Variants in STON2 observed in about 807,000 individuals in gnomAD.
The protein encoded by STON2 is stonin 2.
A neutral mutation model predicts 65.7 loss-of-function variants in STON2; 29 were observed. The observed-to-expected ratio is 0.44, with a 90% confidence interval of 0.33 to 0.60. STON2 has a LOEUF of 0.60. STON2 is among the 20% of genes least tolerant of loss of function. The pLI, the probability that STON2 is intolerant of heterozygous loss-of-function variation, is 0.03. For missense variants in STON2, 1,054 were observed against 1,118.1 expected, an observed-to-expected ratio of 0.94 and a Z score of 0.82; for synonymous variants, 404 against 414.2, an observed-to-expected ratio of 0.98 and a Z score of 0.30.
In STON2 at chr14:81,425,434, C is replaced by T. The variant is rs112924158; in HGVS notation, c.-199+1668G>A. Among the ~76,000 whole-genome samples the T allele has an allele frequency of 2.1e-3, 321 of 152,034 alleles. 2 individuals are homozygous for T. The highest frequency in any genetic ancestry group is 7.3e-3 in the African/African-American group (304 of 41,480). On this transcript the variant is annotated intron_variant, in intron 2 of 8. Coordinates refer to the STON2 transcript ENST00000553821. ...CTACCAACACAAAATTAGCTGGGCA[C>T]GGTGGCTCACACCTGTAATCCCAGC...
chr14:81,391,463 G>T (rs751906210), intron 3 of STON2, among the ~76,000 whole-genome samples: 1 of 152,142 alleles, frequency 6.6e-6, no homozygotes. Flanking sequence ...GGGGGCTAAC[G>T]CCTAGTCTCT....
At position 81,361,521 on chromosome 14, in the gene STON2, A is replaced by C. The variant is rs1179279141; in HGVS notation, c.571+9467T>G. Among the ~76,000 whole-genome samples the C allele has an allele frequency of 2.0e-5, 3 of 152,164 alleles. 1 individual carries two copies. In the South Asian group the frequency reaches 6.2e-4, roughly 31 times the overall value. On this transcript the variant is annotated intron_variant, in intron 4 of 7. Coordinates refer to ENST00000614646, the MANE Select transcript of STON2 (RefSeq NM_001394390.1). ...CTCAAAATGGATTAAAGGTTTAAAC[A>C]TAAGACCTGAAACTGTAAAACTATT...
chr14:81,376,075 G>T (rs144866583), intron 3 of STON2, among the ~76,000 whole-genome samples: 2,019 of 151,784 alleles, frequency 0.013, 52 homozygotes, highest in African/African-American at 0.046. Flanking sequence ...AAGCAGTATT[G>T]TCAGCTTATA....
chr14:81,266,808 A>G lies in STON2; in HGVS notation c.*1606T>C, dbSNP rs1263750477. On this transcript the variant is annotated 3_prime_UTR_variant, in exon 8 of 8. Coordinates refer to ENST00000614646, the MANE Select transcript of STON2 (RefSeq NM_001394390.1). ...TCCTAACACCGTTCCCATCAACACCACACACATAAACACACACAAACACAC... is the reference window on the plus strand; with the variant it reads ...TCCTAACACCGTTCCCATCAACACCGCACACATAAACACACACAAACACAC... 1 of 877,784 alleles carries G rather than the reference A, an allele frequency of 1.1e-6. No homozygotes were observed. The highest frequency in any genetic ancestry group is 5.0e-5 in the African/African-American group (1 of 20,062). The allele number at this position is 877,784 out of a possible 1,614,324, so 54.4% of individuals were successfully genotyped here. A position where few individuals can be genotyped will look rare whatever the true frequency, so the allele number is the denominator to read the frequency against.
chr14:81,354,180 A>G (rs1193027765), intron 4 of STON2, among the ~76,000 whole-genome samples: 1 of 152,214 alleles, frequency 6.6e-6, no homozygotes, highest in Non-Finnish European at 1.5e-5. Flanking sequence ...AAGTGACGAC[A>G]GGGTCCATCC....
At position 81,277,832 on chromosome 14, in the gene STON2, A is replaced by G. The variant is rs568804409; in HGVS notation, c.1650T>C (p.Asn550=). The change falls in exon 6 of 8, where the codon AAT becomes AAC. Residue 550 remains asparagine, a synonymous_variant. Coordinates refer to ENST00000614646, the MANE Select transcript of STON2 (RefSeq NM_001394390.1). ...CTATCCGCAAGCTGTGGATTCTGCCATTCTCATCATAGTTTTGAAGCCGGG... is the reference window on the plus strand; with the variant it reads ...CTATCCGCAAGCTGTGGATTCTGCCGTTCTCATCATAGTTTTGAAGCCGGG... The part of the protein sequence containing the change: ...SEPRLQNYDE[N]GRIHSLRIDR... 1 of 1,614,188 alleles carries G rather than the reference A, an allele frequency of 6.2e-7. No homozygotes were observed. Among genetic ancestry groups the G allele is most frequent in the African/African-American group, 1.3e-5 (1 of 75,046 alleles).
chr14:81,278,782 C>T (rs190881919), intron 5 of STON2, 43 bp from the exon 6 acceptor site: 836 of 1,458,296 alleles, frequency 5.7e-4, no homozygotes, highest in Non-Finnish European at 7.3e-4. Context: ...TTCAGGGGCT[C>T]TAGAGGTAAG....
intron 4 of STON2, among the ~76,000 whole-genome samples, chr14:81,362,212 C>T (rs1898524549): frequency 1.3e-5 from 2 of 152,150 alleles, no homozygotes; most frequent in Non-Finnish European, 2.9e-5. Flanking sequence ...TTAAACAATA[C>T]ACAAGTTATG....
chr14:81,269,566 A>T, intron 7 of STON2: 3 of 985,352 alleles, frequency 3.0e-6, no homozygotes, highest in Non-Finnish European at 3.6e-6. Flanking sequence ...TTCAACACAC[A>T]ACAGTCAGGT....
chr14:81,386,725 T>C (rs966837799), intron 3 of STON2, among the ~76,000 whole-genome samples: 1 of 152,220 alleles, frequency 6.6e-6, no homozygotes, highest in African/African-American at 2.4e-5. Context: ...ACCATGTCCC[T>C]GGAGGAAGGT....
upstream of STON2, among the ~76,000 whole-genome samples, chr14:81,403,501 G>C (rs1037468684): frequency 6.6e-6 from 1 of 152,144 alleles, no homozygotes; most frequent in African/African-American, 2.4e-5. Flanking sequence ...AGAATATTGA[G>C]GGAATGCTAA....
upstream of STON2, among the ~76,000 whole-genome samples, chr14:81,402,887 A>C (rs1172976143): frequency 4.6e-5 from 7 of 152,234 alleles, no homozygotes. Flanking sequence ...CTCTGCTTAC[A>C]GCTCCTCAAA....
chr14:81,417,564 G>A (rs1371545831), intron 2 of STON2, among the ~76,000 whole-genome samples: 2 of 152,132 alleles, frequency 1.3e-5, no homozygotes, highest in Non-Finnish European at 2.9e-5. Context: ...CATACCCTAA[G>A]GAAACTAGGA....
intron 3 of STON2, among the ~76,000 whole-genome samples, chr14:81,378,860 C>T (rs549632711): frequency 1.5e-4 from 23 of 152,100 alleles, no homozygotes; most frequent in Non-Finnish European, 3.1e-4. Context: ...AGAAAAAGCA[C>T]TAAAAATAAA....
intron 2 of STON2, among the ~76,000 whole-genome samples, chr14:81,415,970 G>A (rs1901412123): frequency 6.6e-6 from 1 of 152,152 alleles, no homozygotes. Flanking sequence ...CATGACCAAA[G>A]GTCAGAAGCA....
intron 1 of STON2, among the ~76,000 whole-genome samples, chr14:81,429,830 C>A (rs1400985262): frequency 6.6e-6 from 1 of 151,634 alleles, no homozygotes; most frequent in Non-Finnish European, 1.5e-5. Flanking sequence ...CGCTACTCGG[C>A]AGGCTGAGGC....
chr14:81,398,524 C>A lies in STON2; in HGVS notation c.-142G>T, dbSNP rs562797852. 3.0e-5 allele frequency: 18 copies of A among 592,766 alleles called. No individual in the cohort carries two copies. In the South Asian group the frequency reaches 3.9e-4, roughly 13 times the overall value. 36.7% of individuals were successfully genotyped at this position (592,766 alleles called of 1,614,324 possible). On this transcript the variant is annotated 5_prime_UTR_variant, in exon 2 of 8. Transcript: ENST00000614646. The stretch of plus-strand genomic sequence containing the variant: ...TCTAGGTGTCTTGCCAAGGGCAGTA[C>A]TCAGAATGTAGACAGATCAGCCTCT...
At chr14:81,386,118 G>A (rs555458648) in intron 3 of STON2, among the ~76,000 whole-genome samples, 26 of 152,168 alleles carry the variant, frequency 1.7e-4, no homozygotes, top group Non-Finnish European at 3.5e-4. Context: ...GCCCTGAGAA[G>A]GAAAGGCTCT....
At chr14:81,434,646 C>T (rs967661415) in intron 1 of STON2, among the ~76,000 whole-genome samples, 3 of 152,174 alleles carry the variant, frequency 2.0e-5, no homozygotes, top group African/African-American at 7.2e-5. Flanking sequence ...CAGATTCCCA[C>T]TGACATCACC....
Sources: gnomAD v4.1 joint callset for allele counts (sites outside exome capture counted in the v4.1 genomes callset) on GRCh38, gnomAD v4.1.1 for gene constraint, MANE v1.5 for transcripts, NCBI Gene and HGNC (gene_info 2026-07-23, HGNC 2026-07-21) for gene names.